Variants in PKNOX2 observed in about 807,000 individuals in gnomAD.
The protein encoded by PKNOX2 is homeobox protein PKNOX2.
In PKNOX2, 14 loss-of-function variants were observed where a neutral mutation model predicts 53.1. The ratio of observed to expected loss-of-function variants is 0.26; its 90% CI spans 0.17 to 0.41. The LOEUF (loss-of-function observed/expected upper bound fraction) is 0.41, where lower values mean the gene tolerates loss of function less well. PKNOX2 is among the 10% of genes least tolerant of loss of function. The probability of loss-of-function intolerance (pLI) is 1.00; values close to 1 mark genes in which losing one functional copy is unlikely to be tolerated. For missense variants in PKNOX2, 496 were observed against 602.8 expected (o/e 0.82, Z 1.85); for synonymous variants, 257 against 242.8 (o/e 1.06, Z -0.54).
rs994504597 is a variant in PKNOX2, at chr11:125,431,790, G to A, written c.*398G>A. 10 of 178,246 alleles carry A rather than the reference G, an allele frequency of 5.6e-5. No individual in the cohort carries two copies. In the South Asian group the frequency reaches 1.2e-3, roughly 22 times the overall value. 11.0% of individuals were successfully genotyped at this position (178,246 alleles called of 1,614,324 possible). A position where few individuals can be genotyped will look rare whatever the true frequency, so the allele number is the denominator to read the frequency against. On this transcript the variant is annotated 3_prime_UTR_variant, in exon 13 of 13. Coordinates refer to ENST00000298282, the MANE Select transcript of PKNOX2 (RefSeq NM_001382323.2). ...CTGTTCGCAGAGTAGGCCTTTGCCC[G>A]GGGGCAGACTTAGAAGGAAGGGGAG...
intron 7 of PKNOX2, 71 bp from the exon 8 acceptor site, chr11:125,410,125 A>C: frequency 6.4e-7 from 1 of 1,564,740 alleles, no homozygotes; most frequent in South Asian, 1.2e-5. Flanking sequence ...AAAGGACGGA[A>C]GAGGACTCTG....
At chr11:125,383,113 A>C (rs981142560) in intron 5 of PKNOX2, among the ~76,000 whole-genome samples, 1 of 152,168 alleles carries the variant, frequency 6.6e-6, no homozygotes, top group African/African-American at 2.4e-5. Flanking sequence ...TCTGAGTAGA[A>C]AGACTCATAA....
chr11:125,247,426 T>A (rs1481887450), intron 2 of PKNOX2, among the ~76,000 whole-genome samples: 2 of 152,128 alleles, frequency 1.3e-5, no homozygotes, highest in Non-Finnish European at 2.9e-5. Flanking sequence ...CTAGCTCTAG[T>A]GAAGGGCACT....
Position 125,270,362 on chromosome 11 carries a change from A to G in PKNOX2, c.-130+35247A>G, listed in dbSNP as rs554097960. 9.2e-5 allele frequency among the ~76,000 whole-genome samples: 14 copies of G among 152,292 alleles called. 1 individual carries two copies. In the East Asian group the frequency reaches 2.1e-3, roughly 23 times the overall value. On this transcript the variant is annotated intron_variant, in intron 2 of 12. Transcript: ENST00000298282. ...GGGAGACTGCAGGTCCTGCCATGAC[A>G]TGGTGTCTTGCACTGCTGATCCTGC...
intron 2 of PKNOX2, among the ~76,000 whole-genome samples, chr11:125,261,294 G>A (rs1944827500): frequency 6.6e-6 from 1 of 152,168 alleles, no homozygotes; most frequent in South Asian, 2.1e-4. Flanking sequence ...CAGAGAAAGG[G>A]CTCTGGCTGG....
At chr11:125,398,581 C>A (rs1483435639) in intron 7 of PKNOX2, among the ~76,000 whole-genome samples, 1 of 152,208 alleles carries the variant, frequency 6.6e-6, no homozygotes, top group Non-Finnish European at 1.5e-5. Flanking sequence ...CATCTCTGTC[C>A]CCCTAAGGTT....
At chr11:125,348,685 C>A (rs1040785527) in intron 3 of PKNOX2, among the ~76,000 whole-genome samples, 1 of 152,190 alleles carries the variant, frequency 6.6e-6, no homozygotes, top group African/African-American at 2.4e-5. Flanking sequence ...CTGGGGACAG[C>A]GCCTCTAAAA....
At chr11:125,254,655 C>T (rs148541965) in intron 2 of PKNOX2, among the ~76,000 whole-genome samples, 9 of 152,306 alleles carry the variant, frequency 5.9e-5, no homozygotes, top group African/African-American at 2.2e-4. Flanking sequence ...TGTGACACTA[C>T]CTGTCATCCG....
chr11:125,357,118 C>A (rs188167002), intron 4 of PKNOX2, among the ~76,000 whole-genome samples: 3 of 152,328 alleles, frequency 2.0e-5, no homozygotes, highest in Admixed American at 2.0e-4. Context: ...CATATGAGGG[C>A]CCACCTTCCC....
chr11:125,297,278 C>A (rs1947720863), intron 2 of PKNOX2, among the ~76,000 whole-genome samples: 1 of 152,152 alleles, frequency 6.6e-6, no homozygotes, highest in Admixed American at 6.5e-5. Flanking sequence ...GTGAGTAGAT[C>A]ATTTGACCTC....
chr11:125,386,258 A>C (rs1279580005), intron 6 of PKNOX2, among the ~76,000 whole-genome samples: 1 of 152,246 alleles, frequency 6.6e-6, no homozygotes, highest in Non-Finnish European at 1.5e-5. Flanking sequence ...CTAATTTGTC[A>C]ACTAGAGCAT....
At chr11:125,405,892 C>T (rs900146707) in intron 7 of PKNOX2, among the ~76,000 whole-genome samples, 1 of 152,130 alleles carries the variant, frequency 6.6e-6, no homozygotes, top group African/African-American at 2.4e-5. Context: ...TTGGGGACAC[C>T]ACGGCTGTCT....
intron 5 of PKNOX2, among the ~76,000 whole-genome samples, chr11:125,374,450 G>C (rs1429460784): frequency 1.3e-5 from 2 of 152,156 alleles, no homozygotes; most frequent in Non-Finnish European, 2.9e-5. Context: ...CTATAGTCAG[G>C]GGGGTGATCC....
chr11:125,233,768 C>T (rs1942432509), intron 1 of PKNOX2, among the ~76,000 whole-genome samples: 1 of 152,340 alleles, frequency 6.6e-6, no homozygotes, highest in African/African-American at 2.4e-5. Flanking sequence ...AATCTTCTAA[C>T]TGAAATTCCA....
chr11:125,242,319 C>G (rs1353894842), intron 2 of PKNOX2, among the ~76,000 whole-genome samples: 1 of 152,142 alleles, frequency 6.6e-6, no homozygotes, highest in African/African-American at 2.4e-5. Flanking sequence ...GGTAAAAGCT[C>G]CTATACTTCC....
chr11:125,235,173 C>G (rs921211755), intron 2 of PKNOX2, 58 bp downstream of exon 2: 2 of 152,626 alleles, frequency 1.3e-5, no homozygotes, highest in African/African-American at 2.4e-5. Flanking sequence ...GGGTTAAAGA[C>G]CAGCCCTGAA....
Position 125,431,580 on chromosome 11 carries a change from G to A in PKNOX2, c.*188G>A. 3.0e-6 allele frequency: 2 copies of A among 667,794 alleles called. No homozygotes were observed. Among genetic ancestry groups the A allele is most frequent in the Middle Eastern group, 8.5e-4 (2 of 2,366 alleles). 41.4% of individuals were successfully genotyped at this position (667,794 alleles called of 1,614,324 possible). ...TTCCCAACCACCGAGCTTCAATGAG[G>A]ACCCCAGCCCCACTTCCCTGGAACT... On this transcript the variant is annotated 3_prime_UTR_variant, in exon 13 of 13. Coordinates refer to ENST00000298282, the MANE Select transcript of PKNOX2 (RefSeq NM_001382323.2).
At chr11:125,230,986 T>C (rs7124337) in intron 1 of PKNOX2, among the ~76,000 whole-genome samples, 42,890 of 152,068 alleles carry the variant, frequency 0.28, 7,156 homozygotes, top group East Asian at 0.5. Flanking sequence ...TAGTGCCCTC[T>C]CTGGAGGATT....
intron 2 of PKNOX2, among the ~76,000 whole-genome samples, chr11:125,323,575 C>G (rs541460595): frequency 6.6e-6 from 1 of 152,250 alleles, no homozygotes; most frequent in South Asian, 2.1e-4. Flanking sequence ...GAAATAGAGC[C>G]CTGAGAAGGG....
Sources: gnomAD v4.1 joint callset for allele counts (sites outside exome capture counted in the v4.1 genomes callset) on GRCh38, gnomAD v4.1.1 for gene constraint, MANE v1.5 for transcripts, NCBI Gene and HGNC (gene_info 2026-07-23, HGNC 2026-07-21) for gene names.